Variants in SKAP1 observed in about 807,000 individuals in gnomAD.
SKAP1 encodes src kinase-associated phosphoprotein 1.
Under a neutral mutation model 58.5 loss-of-function variants are expected in SKAP1, and 44 were observed. The observed-to-expected ratio is 0.75, with a 90% CI of 0.59 to 0.97. The LOEUF is 0.97. Ranked by LOEUF, SKAP1 falls within the 50% of genes least tolerant of loss-of-function variation. SKAP1 has a pLI of 0.00. For missense variants in SKAP1, 390 were observed against 435.2 expected, an observed-to-expected ratio of 0.90 and a Z score of 0.92; for synonymous variants, 127 against 149.7, an observed-to-expected ratio of 0.85 and a Z score of 1.11.
chr17:48,246,729 G>A (rs1191511305), intron 4 of SKAP1, among the ~76,000 whole-genome samples: 1 of 152,124 alleles, frequency 6.6e-6, no homozygotes, highest in Non-Finnish European at 1.5e-5. Flanking sequence ...AATCCTGCTG[G>A]TCTTTTTCAT....
intron 4 of SKAP1, chr17:48,193,640 G>A: frequency 1.0e-6 from 1 of 960,302 alleles, no homozygotes; most frequent in Non-Finnish European, 1.2e-6. Context: ...ATCCACAGTG[G>A]CATGCAAGGT....
At chr17:48,443,309 A>G in the SKAP1 span, among the ~76,000 whole-genome samples, 1 of 152,146 alleles carries the variant, frequency 6.6e-6, no homozygotes, top group Non-Finnish European at 1.5e-5. Flanking sequence ...TTTTGCACCA[A>G]CCTAATACTT....
intron 1 of SKAP1, among the ~76,000 whole-genome samples, chr17:48,423,913 C>G (rs988599259): frequency 6.6e-6 from 1 of 152,062 alleles, no homozygotes; most frequent in Admixed American, 6.6e-5. Flanking sequence ...TGAGCCACCA[C>G]GCCTGGCCCG....
chr17:48,398,875 G>T (rs2144539932), intron 1 of SKAP1, among the ~76,000 whole-genome samples: 1 of 152,236 alleles, frequency 6.6e-6, no homozygotes, highest in South Asian at 2.1e-4. Context: ...ACAAAAATTA[G>T]CTGGGCATGC....
intron 4 of SKAP1, among the ~76,000 whole-genome samples, chr17:48,289,309 T>C (rs1033622806): frequency 1.3e-5 from 2 of 152,058 alleles, no homozygotes; most frequent in African/African-American, 4.8e-5. Flanking sequence ...TGAAATTTGG[T>C]ATATTTGGCA....
At chr17:48,147,627 T>C (rs2063847661) in intron 11 of SKAP1, among the ~76,000 whole-genome samples, 1 of 152,132 alleles carries the variant, frequency 6.6e-6, no homozygotes, top group South Asian at 2.1e-4. Context: ...AGAAAGGAAA[T>C]GGTCAGTTGG....
At chr17:48,347,810 A>T (rs1468023996) in intron 3 of SKAP1, among the ~76,000 whole-genome samples, 2 of 152,184 alleles carry the variant, frequency 1.3e-5, no homozygotes, top group Non-Finnish European at 2.9e-5. Context: ...GTCCACTAAA[A>T]TTATATTATC....
In SKAP1 at chr17:48,430,204, G is replaced by T; in HGVS notation, c.-84C>A. 8.8e-7 allele frequency: 1 copy of T among 1,137,288 alleles called. No homozygotes were observed. 70.4% of individuals were successfully genotyped at this position (1,137,288 alleles called of 1,614,324 possible). A position where few individuals can be genotyped will look rare whatever the true frequency, so the allele number is the denominator to read the frequency against. On this transcript the variant is annotated 5_prime_UTR_variant, in exon 1 of 13. Coordinates refer to ENST00000336915, the MANE Select transcript of SKAP1 (RefSeq NM_003726.4). ...CTGGAAGGCGACCCGGCTGCACCGC[G>T]AGGCACCTGTACCTCAGCCGCGGTC...
At chr17:48,380,896 C>G (rs997680431) in intron 2 of SKAP1, among the ~76,000 whole-genome samples, 1 of 152,120 alleles carries the variant, frequency 6.6e-6, no homozygotes, top group African/African-American at 2.4e-5. Context: ...AATCATATTT[C>G]GAAAGTTGAA....
chr17:48,403,330 T>G (rs572358601), intron 1 of SKAP1, among the ~76,000 whole-genome samples: 1 of 152,066 alleles, frequency 6.6e-6, no homozygotes, highest in Non-Finnish European at 1.5e-5. Flanking sequence ...ATTAACCCAC[T>G]GCATTCCAGC....
intron 4 of SKAP1, among the ~76,000 whole-genome samples, chr17:48,236,922 C>A (rs1404438678): frequency 6.6e-6 from 1 of 152,168 alleles, no homozygotes; most frequent in Non-Finnish European, 1.5e-5. Flanking sequence ...CTGGGCCAAG[C>A]AATTCTTATG....
intron 1 of SKAP1, among the ~76,000 whole-genome samples, chr17:48,422,091 G>C (rs1284078724): frequency 6.6e-6 from 1 of 152,064 alleles, no homozygotes; most frequent in Non-Finnish European, 1.5e-5. Context: ...TGCACCTGTA[G>C]TCCCAGCTAC....
chr17:48,321,391 T>C (rs1380811825), intron 4 of SKAP1, among the ~76,000 whole-genome samples: 1 of 117,770 alleles, frequency 8.5e-6, no homozygotes, highest in Non-Finnish European at 1.9e-5. Context: ...ATTATTATTA[T>C]TATTAAGATA....
chr17:48,345,207 C>A (rs1271956873), intron 4 of SKAP1, among the ~76,000 whole-genome samples: 1 of 152,058 alleles, frequency 6.6e-6, no homozygotes, highest in African/African-American at 2.4e-5. Flanking sequence ...GCCATCAGGC[C>A]AAAATATTTA....
At chr17:48,399,251 A>C (rs2067463351) in intron 1 of SKAP1, among the ~76,000 whole-genome samples, 1 of 152,194 alleles carries the variant, frequency 6.6e-6, no homozygotes, top group Non-Finnish European at 1.5e-5. Context: ...AAAAGGCAAA[A>C]ATAAATGACA....
intron 4 of SKAP1, among the ~76,000 whole-genome samples, chr17:48,335,687 C>T (rs1451076424): frequency 6.6e-6 from 1 of 152,012 alleles, no homozygotes; most frequent in African/African-American, 2.4e-5. Flanking sequence ...ATGCTAACCA[C>T]ATCCATTTGT....
chr17:48,162,579 G>C lies in SKAP1; in HGVS notation c.878-10C>G. On this transcript the variant is annotated splice_polypyrimidine_tract_variant and intron_variant, in intron 10 of 12. Transcript: ENST00000336915. ...TAACTGGCATAGTCTACTGATCAAA[G>C]AGAGGAGAAATCAAAGTTAAAAGGA... 1 of 1,599,800 alleles carries C rather than the reference G, an allele frequency of 6.3e-7. No homozygotes were observed. Among genetic ancestry groups the C allele is most frequent in the South Asian group, 1.1e-5 (1 of 89,512 alleles).
chr17:48,193,688 C>G (rs866520505), intron 4 of SKAP1: 2 of 984,600 alleles, frequency 2.0e-6, no homozygotes, highest in African/African-American at 3.5e-5. Flanking sequence ...TCCTACTGAT[C>G]AAGAACTAGT....
At position 48,278,906 on chromosome 17, in the gene SKAP1, A is replaced by G. The variant is rs554641298; in HGVS notation, c.280+66999T>C. ...TTCCTATCCTCCCCTCTTACACACC[A>G]GGAAACCTGGGCTGAGGGAGCTTAC... On this transcript the variant is annotated intron_variant, in intron 4 of 12. Coordinates refer to ENST00000336915, the MANE Select transcript of SKAP1 (RefSeq NM_003726.4). 3.3e-5 allele frequency among the ~76,000 whole-genome samples: 5 copies of G among 152,326 alleles called. No individual in the cohort carries two copies. The South Asian group carries it at 1.0e-3, about 32-fold the overall frequency.
Sources: gnomAD v4.1 joint callset for allele counts (sites outside exome capture counted in the v4.1 genomes callset) on GRCh38, gnomAD v4.1.1 for gene constraint, MANE v1.5 for transcripts, NCBI Gene and HGNC (gene_info 2026-07-23, HGNC 2026-07-21) for gene names.